The following KCNJ4 variants were observed in gnomAD, a reference collection of about 807,000 sequenced individuals.
The protein encoded by KCNJ4 is potassium inwardly rectifying channel subfamily J member 4.
KCNJ4 carries 3 observed loss-of-function variants against 25.6 expected under a neutral mutation model. The observed-to-expected ratio is 0.12, with a 90% CI of 0.05 to 0.30. The LOEUF (loss-of-function observed/expected upper bound fraction) is 0.30, where lower values mean the gene tolerates loss of function less well. Ranked by LOEUF, KCNJ4 falls within the 10% of genes least tolerant of loss-of-function variation. The probability of loss-of-function intolerance (pLI) is 1.00; values close to 1 mark genes in which losing one functional copy is unlikely to be tolerated. For synonymous variants in KCNJ4, 257 were observed against 283.9 expected, an observed-to-expected ratio of 0.91 and a Z score of 0.95; for missense variants, 286 against 666.8, an observed-to-expected ratio of 0.43 and a Z score of 6.29.
intron 1 of KCNJ4, among the ~76,000 whole-genome samples, chr22:38,444,162 C>T (rs988285021): frequency 6.6e-6 from 1 of 152,160 alleles, no homozygotes; most frequent in Non-Finnish European, 1.5e-5. Context: ...GCAGTCAAAC[C>T]AGTCTCATCT....
chr22:38,448,295 C>T (rs968320605), intron 1 of KCNJ4, among the ~76,000 whole-genome samples: 10 of 151,140 alleles, frequency 6.6e-5, no homozygotes, highest in African/African-American at 2.2e-4. Flanking sequence ...CAGCCCGGGT[C>T]GCTGGTGTGT....
At position 38,426,951 on chromosome 22, in the gene KCNJ4, C is replaced by A; in HGVS notation, c.1182G>T (p.Ala394=). 1 of 1,612,594 alleles carries A rather than the reference C, an allele frequency of 6.2e-7. No homozygotes were observed. Among genetic ancestry groups the A allele is most frequent in the Non-Finnish European group, 8.5e-7 (1 of 1,179,802 alleles). The change falls in exon 2 of 2, where the codon GCG becomes GCT. Residue 394 remains alanine (A), a synonymous_variant. Transcript: ENST00000303592. The stretch of plus-strand genomic sequence containing the variant: ...GGCCCAGGCCTGCGGCCACCGCGGC[C>A]GCCGCAGCTGCCTCCTCCTCCATCT... ...EEEMEEEAAA[A]AAVAAGLGLE... is the part of the protein sequence containing the mutation.
chr22:38,434,257 G>A (rs1429437068), intron 1 of KCNJ4, among the ~76,000 whole-genome samples: 3 of 142,706 alleles, frequency 2.1e-5, no homozygotes, highest in Admixed American at 6.8e-5. Context: ...GAGACAACCA[G>A]GGAGGTGATG....
chr22:38,443,782 C>T lies in KCNJ4; in HGVS notation c.-40+11198G>A, dbSNP rs1272893713. Among the ~76,000 whole-genome samples, 1 of 152,106 alleles carries T rather than the reference C, an allele frequency of 6.6e-6. No individual in the cohort carries two copies. The highest frequency in any genetic ancestry group is 1.5e-5 in the Non-Finnish European group (1 of 68,006). On this transcript the variant is annotated intron_variant, in intron 1 of 1. Coordinates refer to ENST00000303592, the MANE Select transcript of KCNJ4 (RefSeq NM_152868.3). This position sits in a 1 kb window ranked among gnomAD's most constrained non-coding sequence, Gnocchi z 4.1. ...TATTGCAGCCCACAGTCTCTGCCCA[C>T]CACCTCCTCCCACAGCCTCCACCCA...
intron 1 of KCNJ4, among the ~76,000 whole-genome samples, chr22:38,429,928 C>T (rs934694033): frequency 4.6e-5 from 7 of 152,326 alleles, no homozygotes; most frequent in African/African-American, 1.7e-4. Context: ...CAGGACAACT[C>T]GGTTGCCGCA....
chr22:38,430,241 G>A (rs1050740726), intron 1 of KCNJ4, among the ~76,000 whole-genome samples: 4 of 152,202 alleles, frequency 2.6e-5, no homozygotes, highest in Non-Finnish European at 5.9e-5. Flanking sequence ...GGTGGCTCAC[G>A]CCTGTAATCC....
chr22:38,445,256 G>T (rs913585725), intron 1 of KCNJ4, among the ~76,000 whole-genome samples: 11 of 152,066 alleles, frequency 7.2e-5, no homozygotes, highest in Non-Finnish European at 1.3e-4. Flanking sequence ...CTGGACCTGG[G>T]TGGTCCACTG....
At chr22:38,428,763 C>T (rs2093040516) in intron 1 of KCNJ4, among the ~76,000 whole-genome samples, 1 of 152,294 alleles carries the variant, frequency 6.6e-6, no homozygotes, top group South Asian at 2.1e-4. Context: ...CCACACTGGA[C>T]AGAGAAGACA....
intron 1 of KCNJ4, among the ~76,000 whole-genome samples, chr22:38,448,916 C>T (rs1490720028): frequency 6.6e-6 from 1 of 152,138 alleles, no homozygotes; most frequent in African/African-American, 2.4e-5. Context: ...CTGCTGGGGG[C>T]CCCCCAGGCC....
intron 1 of KCNJ4, among the ~76,000 whole-genome samples, chr22:38,450,808 C>T (rs2089406201): frequency 6.6e-6 from 1 of 152,192 alleles, no homozygotes; most frequent in African/African-American, 2.4e-5. Flanking sequence ...ATGGAGCCCC[C>T]AGAGGAGCCA....
At chr22:38,445,251 C>CCTG (rs1459004409) in intron 1 of KCNJ4, among the ~76,000 whole-genome samples, 2 of 151,966 alleles carry the variant, frequency 1.3e-5, no homozygotes, top group Non-Finnish European at 2.9e-5. Flanking sequence ...GGTGCCTGGA[C>CCTG]CTGGGTGGTC....
At chr22:38,442,259 G>A (rs1256719100) in intron 1 of KCNJ4, among the ~76,000 whole-genome samples, 1 of 152,190 alleles carries the variant, frequency 6.6e-6, no homozygotes, top group East Asian at 1.9e-4. Flanking sequence ...GCATTCATAA[G>A]GTTGTGTGGC....
intron 1 of KCNJ4, 38 bp from the exon 2 acceptor site, chr22:38,428,209 G>A (rs1195414607): frequency 1.3e-6 from 2 of 1,519,372 alleles, no homozygotes; most frequent in Non-Finnish European, 1.8e-6. Flanking sequence ...ATGCTGGGGA[G>A]CGAGGGGCTC....
intron 1 of KCNJ4, among the ~76,000 whole-genome samples, chr22:38,448,720 C>A (rs1379025839): frequency 1.3e-5 from 2 of 152,174 alleles, no homozygotes; most frequent in Non-Finnish European, 2.9e-5. Context: ...GCTGAGTGAC[C>A]CTGGGCAAAC....
At chr22:38,431,058 T>C (rs972830683) in intron 1 of KCNJ4, among the ~76,000 whole-genome samples, 3 of 152,222 alleles carry the variant, frequency 2.0e-5, no homozygotes, top group African/African-American at 7.2e-5. Context: ...GTGTGCAGGA[T>C]AGAGGCAGAG....
chr22:38,442,748 CT>C (rs1194600971), intron 1 of KCNJ4, among the ~76,000 whole-genome samples: 3 of 152,104 alleles, frequency 2.0e-5, no homozygotes, highest in Admixed American at 6.5e-5. Context: ...GCCTTTCTTT[CT>C]TTTTTTATTT....
At chr22:38,453,476 G>A (rs1042990172) in intron 1 of KCNJ4, among the ~76,000 whole-genome samples, 8 of 152,048 alleles carry the variant, frequency 5.3e-5, no homozygotes, top group African/African-American at 1.7e-4. Flanking sequence ...CTCCTCCTTC[G>A]TCAGCTATTT....
At chr22:38,437,171 T>C (rs1482846961) in intron 1 of KCNJ4, among the ~76,000 whole-genome samples, 1 of 152,158 alleles carries the variant, frequency 6.6e-6, no homozygotes, top group East Asian at 1.9e-4. Context: ...TCCCAACCAC[T>C]TGGCCAGCGA....
intron 1 of KCNJ4, among the ~76,000 whole-genome samples, chr22:38,432,372 G>T (rs1001864885): frequency 1.3e-5 from 2 of 152,108 alleles, no homozygotes; most frequent in Non-Finnish European, 2.9e-5. Flanking sequence ...GTGGATGCAG[G>T]GATGCAGGGC....
Sources: allele counts gnomAD v4.1 joint callset (sites outside exome capture counted in the v4.1 genomes callset), GRCh38; gene constraint gnomAD v4.1.1; non-coding constraint Gnocchi (gnomAD v3.1); transcripts MANE v1.5; gene names NCBI Gene and HGNC (gene_info 2026-07-23, HGNC 2026-07-21).